MAGI1: variants seen among roughly 807,000 people sequenced by gnomAD.
MAGI1 encodes the protein membrane associated guanylate kinase, WW and PDZ domain containing 1.
In MAGI1, 58 loss-of-function variants were observed where a neutral mutation model predicts 139.9. That is an observed-to-expected ratio of 0.41 (90% CI 0.34 to 0.52). The LOEUF is 0.52. MAGI1 is among the 20% of genes least tolerant of loss of function. The probability of loss-of-function intolerance (pLI) is 0.12; values close to 1 mark genes in which losing one functional copy is unlikely to be tolerated. For synonymous variants in MAGI1, 812 were observed against 737.9 expected (o/e 1.10, Z -1.63); for missense variants, 1,874 against 1,901.6 (o/e 0.99, Z 0.27).
At chr3:65,452,232 CTA>C (rs1329821500) in intron 6 of MAGI1, among the ~76,000 whole-genome samples, 2 of 152,228 alleles carry the variant, frequency 1.3e-5, no homozygotes, top group East Asian at 3.9e-4. Context: ...ACACAATAGT[CTA>C]TGTCATTTAA....
intron 12 of MAGI1, chr3:65,401,942 TG>T: frequency 1.0e-6 from 1 of 976,838 alleles, no homozygotes. Context: ...AAAATTTTTT[TG>T]GTCTTTTCTT....
chr3:65,610,984 A>G (rs954860518), intron 2 of MAGI1, among the ~76,000 whole-genome samples: 7 of 130,676 alleles, frequency 5.4e-5, no homozygotes, highest in Non-Finnish European at 7.9e-5. Flanking sequence ...TATATAGTAG[A>G]TAGTATATAT....
At chr3:65,602,131 G>A (rs1194204979) in intron 2 of MAGI1, among the ~76,000 whole-genome samples, 1 of 152,102 alleles carries the variant, frequency 6.6e-6, no homozygotes, top group African/African-American at 2.4e-5. Flanking sequence ...AAATGGTTTA[G>A]CCACTTTGGA....
intron 1 of MAGI1, among the ~76,000 whole-genome samples, chr3:65,639,389 A>C (rs1326513908): frequency 2.0e-5 from 3 of 152,204 alleles, no homozygotes; most frequent in African/African-American, 4.8e-5. Flanking sequence ...ATGAGTCAGA[A>C]AACAAAATAA....
intron 12 of MAGI1, among the ~76,000 whole-genome samples, chr3:65,408,810 AG>A (rs1214417690): frequency 1.3e-5 from 2 of 152,232 alleles, no homozygotes; most frequent in Non-Finnish European, 2.9e-5. Flanking sequence ...GAAGGAAAAC[AG>A]GGAAAATTCA....
chr3:65,374,134 A>G (rs549161021), intron 18 of MAGI1, among the ~76,000 whole-genome samples: 1 of 152,180 alleles, frequency 6.6e-6, no homozygotes, highest in Non-Finnish European at 1.5e-5. Context: ...CTTGAGAAAT[A>G]CTCACTTTTA....
chr3:65,517,874 C>CAATT (rs2077977946), intron 2 of MAGI1, among the ~76,000 whole-genome samples: 1 of 152,152 alleles, frequency 6.6e-6, no homozygotes, highest in African/African-American at 2.4e-5. Flanking sequence ...TCTCCAACAC[C>CAATT]AATTCCCCAT....
intron 16 of MAGI1, among the ~76,000 whole-genome samples, chr3:65,379,949 T>C (rs934995444): frequency 2.0e-5 from 3 of 152,240 alleles, no homozygotes; most frequent in Non-Finnish European, 2.9e-5. Flanking sequence ...CTTGGCTTCA[T>C]AGATACAACC....
intron 2 of MAGI1, among the ~76,000 whole-genome samples, chr3:65,576,656 G>A (rs1230473409): frequency 6.6e-6 from 1 of 152,148 alleles, no homozygotes; most frequent in Non-Finnish European, 1.5e-5. Flanking sequence ...TTGCATTTAA[G>A]TAACGGTTTC....
intron 2 of MAGI1, among the ~76,000 whole-genome samples, chr3:65,549,106 G>T (rs1207695397): frequency 6.6e-6 from 1 of 152,128 alleles, no homozygotes; most frequent in Non-Finnish European, 1.5e-5. Context: ...GCGCTCCGGG[G>T]CGCGGGCCGA....
chr3:65,377,744 A>T (rs1942668566), intron 17 of MAGI1, among the ~76,000 whole-genome samples: 1 of 152,234 alleles, frequency 6.6e-6, no homozygotes, highest in Non-Finnish European at 1.5e-5. Context: ...TCCATCCATG[A>T]CATGCTATGA....
chr3:65,957,064 T>C (rs1050171325), intron 1 of MAGI1, among the ~76,000 whole-genome samples: 1 of 152,078 alleles, frequency 6.6e-6, no homozygotes, highest in Non-Finnish European at 1.5e-5. Flanking sequence ...ACAAGTCCAC[T>C]CTGAGGCATA....
chr3:65,831,489 C>G (rs968437338), intron 1 of MAGI1, among the ~76,000 whole-genome samples: 22 of 152,180 alleles, frequency 1.4e-4, no homozygotes, highest in Admixed American at 9.8e-4. Flanking sequence ...ACCACATACA[C>G]GGTTGAACTT....
chr3:65,455,003 T>TA (rs2107507250), intron 5 of MAGI1, among the ~76,000 whole-genome samples: 1 of 152,280 alleles, frequency 6.6e-6, no homozygotes, highest in African/African-American at 2.4e-5. Flanking sequence ...AACTGGGAAT[T>TA]AAACCCAGAA....
At chr3:65,985,499 A>C (rs533309301) in intron 1 of MAGI1, among the ~76,000 whole-genome samples, 5 of 152,226 alleles carry the variant, frequency 3.3e-5, no homozygotes, top group Admixed American at 1.3e-4. Flanking sequence ...CTCAAGTCTC[A>C]TTGAAAATTC....
At chr3:65,919,373 G>C (rs1186025816) in intron 1 of MAGI1, among the ~76,000 whole-genome samples, 1 of 151,836 alleles carries the variant, frequency 6.6e-6, no homozygotes, top group Non-Finnish European at 1.5e-5. Context: ...GACCAGCCTG[G>C]GCAACACAGG....
At chr3:65,442,756 T>C (rs1055622806) in intron 8 of MAGI1, 36 bp downstream of exon 8, 5 of 1,497,878 alleles carry the variant, frequency 3.3e-6, no homozygotes, top group Non-Finnish European at 4.6e-6. Flanking sequence ...TATAGAGAGG[T>C]ATAAACTAAT....
chr3:65,852,785 G>C (rs533563232), intron 1 of MAGI1, among the ~76,000 whole-genome samples: 2 of 152,132 alleles, frequency 1.3e-5, no homozygotes, highest in African/African-American at 4.8e-5. Context: ...TTACAGGCGT[G>C]AGCCACTGCA....
At chr3:65,570,620 C>G (rs1437543420) in intron 2 of MAGI1, among the ~76,000 whole-genome samples, 1 of 152,064 alleles carries the variant, frequency 6.6e-6, no homozygotes, top group Non-Finnish European at 1.5e-5. Flanking sequence ...GGATTTGCTA[C>G]AAAATAATTC....
Sources: gnomAD v4.1 joint callset for allele counts (sites outside exome capture counted in the v4.1 genomes callset) on GRCh38, gnomAD v4.1.1 for gene constraint, MANE v1.5 for transcripts, NCBI Gene and HGNC (gene_info 2026-07-23, HGNC 2026-07-21) for gene names.